DGKB: variants seen among roughly 807,000 people sequenced by gnomAD.
DGKB encodes the protein diacylglycerol kinase beta, also known as 90 kDa diacylglycerol kinase.
Under a neutral mutation model 114.3 loss-of-function variants are expected in DGKB, and 67 were observed. The observed-to-expected ratio is 0.59, with a 90% CI of 0.48 to 0.72. The LOEUF is 0.72. Ranked by LOEUF, DGKB falls within the 30% of genes least tolerant of loss-of-function variation. The pLI, the probability that DGKB is intolerant of heterozygous loss-of-function variation, is 0.00. For missense variants in DGKB, 907 were observed against 975.2 expected (o/e 0.93, Z 0.93); for synonymous variants, 398 against 323.1 (o/e 1.23, Z -2.49).
intron 4 of DGKB, among the ~76,000 whole-genome samples, chr7:14,743,492 G>A (rs1447920980): frequency 2.6e-5 from 4 of 152,104 alleles, no homozygotes; most frequent in Admixed American, 2.6e-4. Flanking sequence ...TCAAATTTCA[G>A]CTTCAAGGTT....
intron 21 of DGKB, among the ~76,000 whole-genome samples, chr7:14,421,347 TTATC>T (rs1229228336): frequency 1.3e-5 from 2 of 152,126 alleles, no homozygotes; most frequent in South Asian, 2.1e-4. Flanking sequence ...TCAGAACCCT[TTATC>T]TAGTAACACT....
rs183728294 is a variant in DGKB at position 14,510,398 on chromosome 7, C to T, written c.1771-32173G>A. The stretch of plus-strand genomic sequence containing the variant: ...ATCTTTACTAGGAGTGCATTCCATC[C>T]CAAGAAACCACTTTTTTTGGCTCAT... On this transcript the variant is annotated intron_variant, in intron 20 of 25. Coordinates refer to ENST00000402815, the MANE Select transcript of DGKB (RefSeq NM_001350709.2). Among the ~76,000 whole-genome samples the T allele has an allele frequency of 2.6e-3, 397 of 152,250 alleles. 2 individuals carry two copies. The highest frequency in any genetic ancestry group is 8.7e-3 in the African/African-American group (362 of 41,544).
At chr7:14,753,315 C>A (rs1402289102) in intron 4 of DGKB, among the ~76,000 whole-genome samples, 1 of 152,110 alleles carries the variant, frequency 6.6e-6, no homozygotes, top group Admixed American at 6.6e-5. Flanking sequence ...TTAAAAATGT[C>A]CATTTAGAGC....
chr7:14,733,864 AG>A (rs796727927), intron 5 of DGKB, among the ~76,000 whole-genome samples: 78 of 152,120 alleles, frequency 5.1e-4, no homozygotes, highest in African/African-American at 1.7e-3. Context: ...GAAGGAAGAA[AG>A]GAAGGGAAGC....
chr7:14,354,797 C>A (rs1373777674), intron 21 of DGKB, among the ~76,000 whole-genome samples: 1 of 152,016 alleles, frequency 6.6e-6, no homozygotes, highest in Non-Finnish European at 1.5e-5. Flanking sequence ...GTATCTGAAT[C>A]CCTGGAAAGG....
intron 23 of DGKB, among the ~76,000 whole-genome samples, chr7:14,204,488 T>A (rs1424508661): frequency 6.6e-6 from 1 of 151,992 alleles, no homozygotes; most frequent in Non-Finnish European, 1.5e-5. Context: ...CATACTTTAA[T>A]CCATTAGATG....
In DGKB at chr7:14,757,617, A is replaced by T. The variant is rs1278606262; in HGVS notation, c.147+38T>A. 8 of 1,169,786 alleles carry T rather than the reference A, an allele frequency of 6.8e-6. No individual in the cohort carries two copies. The East Asian group carries it at 1.4e-4, about 21-fold the overall frequency. 72.5% of individuals were successfully genotyped at this position (1,169,786 alleles called of 1,614,324 possible). ...TATTAAGAAATACCCTCTTCCAAGCATATATACGAAACTGATATAAAGAAA... is the reference window on the plus strand; with the variant it reads ...TATTAAGAAATACCCTCTTCCAAGCTTATATACGAAACTGATATAAAGAAA... On this transcript the variant is annotated intron_variant, in intron 3 of 25. Coordinates refer to ENST00000402815, the MANE Select transcript of DGKB (RefSeq NM_001350709.2).
At chr7:14,922,365 G>A (rs982626547) in intron 1 of DGKB, among the ~76,000 whole-genome samples, 1 of 137,928 alleles carries the variant, frequency 7.3e-6, no homozygotes, top group Non-Finnish European at 1.5e-5. Context: ...ACATATATAT[G>A]TGTATCCATC....
At chr7:14,806,757 A>G (rs960873057) in intron 2 of DGKB, among the ~76,000 whole-genome samples, 7 of 151,990 alleles carry the variant, frequency 4.6e-5, no homozygotes, top group African/African-American at 1.7e-4. Context: ...TCCTGATAAC[A>G]TATAAATTTC....
chr7:14,809,873 C>A (rs1417373470), intron 2 of DGKB, among the ~76,000 whole-genome samples: 1 of 152,134 alleles, frequency 6.6e-6, no homozygotes, highest in Non-Finnish European at 1.5e-5. Flanking sequence ...TCAGCATCCC[C>A]TAGCAATTTT....
chr7:14,800,182 C>T (rs544173824), intron 2 of DGKB, among the ~76,000 whole-genome samples: 1 of 152,272 alleles, frequency 6.6e-6, no homozygotes, highest in East Asian at 1.9e-4. Flanking sequence ...TCCCGAAGTG[C>T]TGGAATTACA....
At chr7:14,445,958 C>A (rs1338942094) in intron 21 of DGKB, among the ~76,000 whole-genome samples, 3 of 151,976 alleles carry the variant, frequency 2.0e-5, no homozygotes, top group Non-Finnish European at 4.4e-5. Flanking sequence ...CACTGAAGGG[C>A]TCACAGATAT....
At chr7:14,850,975 C>T (rs533189667) in intron 1 of DGKB, among the ~76,000 whole-genome samples, 2 of 152,128 alleles carry the variant, frequency 1.3e-5, no homozygotes, top group East Asian at 3.9e-4. Flanking sequence ...TAGATAATAT[C>T]TCCCACTTCA....
intron 1 of DGKB, among the ~76,000 whole-genome samples, chr7:14,923,566 G>A (rs904292375): frequency 1.3e-5 from 2 of 151,928 alleles, no homozygotes; most frequent in African/African-American, 2.4e-5. Context: ...TTTCTGTATT[G>A]TAGTTCAAAC....
At position 14,211,349 on chromosome 7, in the gene DGKB, ATGTTTTGTGATATTTACTCTCG is replaced by A. The variant is rs1562627652; in HGVS notation, c.2123-33220_2123-33199del. ...TCTCATGTTTTGTGATTTTACTCTC[ATGTTTTGTGATATTTACTCTCG>A]TGTTTTGTGATTTTACTCTCATGTT... is the stretch of plus-strand genomic sequence containing the variant. On this transcript the variant is annotated intron_variant, in intron 23 of 25. Coordinates refer to ENST00000402815, the MANE Select transcript of DGKB (RefSeq NM_001350709.2). Among the ~76,000 whole-genome samples, 148 of 94,804 alleles carry A rather than the reference ATGTTTTGTGATATTTACTCTCG, an allele frequency of 1.6e-3. 1 individual carries two copies. The highest frequency in any genetic ancestry group is 5.1e-3 in the African/African-American group (77 of 15,050). 62.2% of individuals were successfully genotyped at this position (94,804 alleles called of 152,430 possible). A position where few individuals can be genotyped will look rare whatever the true frequency, so the allele number is the denominator to read the frequency against.
chr7:14,274,793 T>A (rs1260825649), intron 23 of DGKB, among the ~76,000 whole-genome samples: 1 of 152,002 alleles, frequency 6.6e-6, no homozygotes, highest in Non-Finnish European at 1.5e-5. Flanking sequence ...TTTTTTCTTA[T>A]AAAGGCACTA....
intron 6 of DGKB, among the ~76,000 whole-genome samples, chr7:14,709,160 T>G (rs1466953983): frequency 6.6e-6 from 1 of 151,956 alleles, no homozygotes; most frequent in African/African-American, 2.4e-5. Context: ...GCGAAGGACA[T>G]GAACAGACAC....
intron 1 of DGKB, among the ~76,000 whole-genome samples, chr7:14,916,443 G>C (rs891828854): frequency 6.6e-6 from 1 of 152,052 alleles, no homozygotes; most frequent in African/African-American, 2.4e-5. Flanking sequence ...ATATATTAAA[G>C]GGATGGAGAA....
chr7:14,723,240 T>C (rs1304150541), intron 5 of DGKB, among the ~76,000 whole-genome samples: 1 of 152,158 alleles, frequency 6.6e-6, no homozygotes, highest in Non-Finnish European at 1.5e-5. Context: ...AATGATAACA[T>C]GAAATAGTAA....
Sources: allele counts gnomAD v4.1 joint callset (sites outside exome capture counted in the v4.1 genomes callset), GRCh38; gene constraint gnomAD v4.1.1; transcripts MANE v1.5; gene names NCBI Gene and HGNC (gene_info 2026-07-23, HGNC 2026-07-21).